LRP6: variants seen among roughly 807,000 people sequenced by gnomAD.
The protein encoded by LRP6 is low-density lipoprotein receptor-related protein 6.
LRP6 carries 43 observed loss-of-function variants against 184.1 expected under a neutral mutation model. That is an observed-to-expected ratio of 0.23 (90% CI 0.18 to 0.30). The LOEUF is 0.30. LRP6 is among the 10% of genes least tolerant of loss of function. The pLI is 1.00. For missense variants in LRP6, 1,571 were observed against 2,005.3 expected, an observed-to-expected ratio of 0.78 and a Z score of 4.14; for synonymous variants, 719 against 684.9, an observed-to-expected ratio of 1.05 and a Z score of -0.78.
intron 19 of LRP6, among the ~76,000 whole-genome samples, chr12:12,127,893 T>C (rs1311480262): frequency 5.9e-5 from 9 of 152,210 alleles, no homozygotes; most frequent in Non-Finnish European, 1.3e-4. Context: ...ATCTCTAAGT[T>C]ACATAATATG....
At chr12:12,249,004 A>G in intron 1 of LRP6, 2 of 582,990 alleles carry the variant, frequency 3.4e-6, no homozygotes, top group South Asian at 3.8e-5. Context: ...CAGCCACCAC[A>G]GGCTCGGGGG....
At chr12:12,240,821 G>A (rs1865045184) in intron 2 of LRP6, among the ~76,000 whole-genome samples, 1 of 152,086 alleles carries the variant, frequency 6.6e-6, no homozygotes. Context: ...ATCAGACTGA[G>A]GGGCTCCAGC....
rs1950022402 is a variant in LRP6, at chr12:12,147,307, C to T, written c.3397+59G>A. 27 of 1,563,430 alleles carry T rather than the reference C, an allele frequency of 1.7e-5. 1 individual carries two copies. Among genetic ancestry groups the T allele is most frequent in the Non-Finnish European group, 2.3e-5 (26 of 1,134,476 alleles). Reference sequence around the variant, plus strand: ...AAAACAATACGATGCAAGAAAAACACAATAGATGAATCATCTTAAAAACTC... The same window carrying T: ...AAAACAATACGATGCAAGAAAAACATAATAGATGAATCATCTTAAAAACTC... On this transcript the variant is annotated intron_variant, in intron 15 of 22. Transcript: ENST00000261349.
At position 12,176,206 on chromosome 12, in the gene LRP6, G is replaced by C. The variant is rs941381795; in HGVS notation, c.1545+3604C>G. On this transcript the variant is annotated intron_variant, in intron 7 of 22. Transcript: ENST00000261349. The stretch of plus-strand genomic sequence containing the variant: ...CACAACAATATAGTAAAAATCAGGA[G>C]GGGGGGTGGTGGCAGAAGTACTGTG... Among the ~76,000 whole-genome samples, 4 of 152,132 alleles carry C rather than the reference G, an allele frequency of 2.6e-5. 1 individual carries two copies. Among genetic ancestry groups the C allele is most frequent in the Admixed American group, 2.6e-4 (4 of 15,284 alleles).
intron 1 of LRP6, among the ~76,000 whole-genome samples, chr12:12,264,963 G>C (rs1865719785): frequency 6.6e-6 from 1 of 152,120 alleles, no homozygotes; most frequent in African/African-American, 2.4e-5. Context: ...AACAAACCCA[G>C]CTCTGGTCTC....
At chr12:12,174,401 G>A (rs747962863) in intron 7 of LRP6, among the ~76,000 whole-genome samples, 12 of 151,990 alleles carry the variant, frequency 7.9e-5, no homozygotes, top group South Asian at 4.1e-4. Context: ...GTGAGCCACC[G>A]TGCCCAGCCT....
intron 7 of LRP6, among the ~76,000 whole-genome samples, chr12:12,171,249 G>A (rs1055192122): frequency 2.6e-5 from 4 of 152,184 alleles, no homozygotes; most frequent in South Asian, 2.1e-4. Context: ...GAGCGCGGTG[G>A]CTCACGCCTG....
At chr12:12,235,093 T>C (rs11054738) in intron 2 of LRP6, among the ~76,000 whole-genome samples, 1 of 152,058 alleles carries the variant, frequency 6.6e-6, no homozygotes, top group Non-Finnish European at 1.5e-5. Context: ...GTTAGGAACA[T>C]GTCAATTGTT....
chr12:12,239,942 G>A (rs1202993923), intron 2 of LRP6, among the ~76,000 whole-genome samples: 1 of 151,322 alleles, frequency 6.6e-6, no homozygotes, highest in East Asian at 1.9e-4. Context: ...GAGACACGGT[G>A]ATGGATATTA....
At chr12:12,141,500 C>T (rs1352420618) in intron 15 of LRP6, among the ~76,000 whole-genome samples, 1 of 152,126 alleles carries the variant, frequency 6.6e-6, no homozygotes, top group East Asian at 1.9e-4. Flanking sequence ...AGAATTTTAA[C>T]CTTTTATGAT....
chr12:12,151,398 G>C (rs1419204801), intron 12 of LRP6, among the ~76,000 whole-genome samples: 1 of 151,742 alleles, frequency 6.6e-6, no homozygotes, highest in Non-Finnish European at 1.5e-5. Flanking sequence ...CTGGTGGGTG[G>C]CAGGAAGCCT....
At position 12,126,866 on chromosome 12, in the gene LRP6, G is replaced by A. The variant is rs775787158; in HGVS notation, c.4137C>T (p.Gly1379=). 39 of 1,613,946 alleles carry A rather than the reference G, an allele frequency of 2.4e-5. No individual in the cohort carries two copies. The highest frequency in any genetic ancestry group is 6.6e-5 in the South Asian group (6 of 91,078). ...QATNTVGSVI[G]VIVTIFVSGT... The stretch of plus-strand genomic sequence containing the variant: ...CAGACACAAAAATGGTGACAATTAC[G>A]CCAATAACAGAACCAACTGTATTGG... The change falls in exon 20 of 23, where the codon GGC becomes GGT. Residue 1379 remains glycine, a synonymous_variant. Transcript: ENST00000261349.
intron 3 of LRP6, among the ~76,000 whole-genome samples, chr12:12,194,649 T>C (rs1375044234): frequency 1.3e-5 from 2 of 152,098 alleles, no homozygotes; most frequent in Non-Finnish European, 2.9e-5. Flanking sequence ...TACACAGCAA[T>C]GTTGCAATAT....
intron 7 of LRP6, among the ~76,000 whole-genome samples, chr12:12,171,205 T>C (rs549109267): frequency 6.6e-6 from 1 of 152,316 alleles, no homozygotes; most frequent in South Asian, 2.1e-4. Context: ...ATGATGATGA[T>C]AACTGCTGTT....
At position 12,179,997 on chromosome 12, in the gene LRP6, A is replaced by G; in HGVS notation, c.1374-16T>C. Reference sequence around the variant, plus strand: ...ATACATGTACCTAGAGAAGTATACAAAAAATGAGCTAAAAATAGATAATAA... The same window carrying G: ...ATACATGTACCTAGAGAAGTATACAGAAAATGAGCTAAAAATAGATAATAA... On this transcript the variant is annotated splice_polypyrimidine_tract_variant and intron_variant, in intron 6 of 22. Transcript: ENST00000261349. 6.2e-7 allele frequency: 1 copy of G among 1,607,224 alleles called. No homozygotes were observed. The highest frequency in any genetic ancestry group is 8.5e-7 in the Non-Finnish European group (1 of 1,173,870).
chr12:12,180,164 T>C (rs1312404585), intron 6 of LRP6, among the ~76,000 whole-genome samples, 183 bp from the exon 7 acceptor site: 4 of 150,618 alleles, frequency 2.7e-5, no homozygotes, highest in Admixed American at 2.6e-4. Flanking sequence ...TATAAGATTG[T>C]GGGAAATTTT....
intron 7 of LRP6, among the ~76,000 whole-genome samples, chr12:12,170,351 G>A (rs1862999244): frequency 6.6e-6 from 1 of 151,968 alleles, no homozygotes; most frequent in South Asian, 2.1e-4. Flanking sequence ...TAAAACAGTA[G>A]ACAGAATTTT....
intron 3 of LRP6, among the ~76,000 whole-genome samples, chr12:12,196,290 G>A (rs951539270): frequency 2.0e-5 from 3 of 151,406 alleles, no homozygotes; most frequent in Non-Finnish European, 4.4e-5. Flanking sequence ...TGGGTAGTAC[G>A]GTCATTTTAA....
intron 3 of LRP6, among the ~76,000 whole-genome samples, chr12:12,198,397 A>T (rs1325182267): frequency 6.7e-6 from 1 of 150,354 alleles, no homozygotes. Flanking sequence ...TGGTCTTTAA[A>T]TTTTTCCTCC....
Sources: gnomAD v4.1 joint callset for allele counts (sites outside exome capture counted in the v4.1 genomes callset) on GRCh38, gnomAD v4.1.1 for gene constraint, MANE v1.5 for transcripts, NCBI Gene and HGNC (gene_info 2026-07-23, HGNC 2026-07-21) for gene names.